Variants in KCNIP4 observed in about 807,000 individuals in gnomAD.
The protein encoded by KCNIP4 is potassium voltage-gated channel interacting protein 4, also known as Kv channel-interacting protein 4.
In KCNIP4, 12 loss-of-function variants were observed where a neutral mutation model predicts 34.0. The ratio of observed to expected loss-of-function variants is 0.35; its 90% CI spans 0.23 to 0.57. KCNIP4 has a LOEUF of 0.57. Among genes scored for constraint, KCNIP4 ranks in the 20% least tolerant of loss-of-function variants. The pLI, the probability that KCNIP4 is intolerant of heterozygous loss-of-function variation, is 0.83. For missense variants in KCNIP4, 238 were observed against 311.7 expected, an observed-to-expected ratio of 0.76 and a Z score of 1.78; for synonymous variants, 124 against 102.2, an observed-to-expected ratio of 1.21 and a Z score of -1.29.
At chr4:21,339,600 A>T (rs917342065) in intron 1 of KCNIP4, among the ~76,000 whole-genome samples, 1 of 152,188 alleles carries the variant, frequency 6.6e-6, no homozygotes, top group Non-Finnish European at 1.5e-5. Flanking sequence ...GAAAGGGAAT[A>T]GGTGGGAAAA....
intron 1 of KCNIP4, among the ~76,000 whole-genome samples, chr4:21,133,865 C>T (rs1032836710): frequency 7.9e-5 from 12 of 152,164 alleles, no homozygotes; most frequent in African/African-American, 1.9e-4. Flanking sequence ...AAAGCCCAGA[C>T]GTTTTGCTTC....
At chr4:21,888,266 T>C (rs1468796990) in intron 1 of KCNIP4, among the ~76,000 whole-genome samples, 1 of 152,032 alleles carries the variant, frequency 6.6e-6, no homozygotes, top group South Asian at 2.1e-4. Context: ...CAGAATAACT[T>C]AAAGAAGAGT....
intron 1 of KCNIP4, among the ~76,000 whole-genome samples, chr4:21,618,545 T>G (rs1182207411): frequency 6.7e-6 from 1 of 149,580 alleles, no homozygotes; most frequent in Non-Finnish European, 1.5e-5. Context: ...CTCTTTCTCC[T>G]TCTCTCTTTT....
intron 1 of KCNIP4, among the ~76,000 whole-genome samples, chr4:21,819,671 A>G (rs1193787362): frequency 6.6e-6 from 1 of 152,218 alleles, no homozygotes; most frequent in Non-Finnish European, 1.5e-5. Context: ...ATTTTTAAAA[A>G]AGGAATTTTA....
At chr4:21,262,813 A>G (rs1311312606) in intron 1 of KCNIP4, among the ~76,000 whole-genome samples, 1 of 152,128 alleles carries the variant, frequency 6.6e-6, no homozygotes, top group African/African-American at 2.4e-5. Flanking sequence ...TTTATCAAAA[A>G]CTGTTGTTAT....
At chr4:20,853,788 A>G (rs903911546) in intron 2 of KCNIP4, among the ~76,000 whole-genome samples, 4 of 152,240 alleles carry the variant, frequency 2.6e-5, no homozygotes, top group Non-Finnish European at 4.4e-5. Context: ...CAACGAACTC[A>G]AATGAGTAAG....
At chr4:20,950,126 T>C (rs1472722007) in intron 1 of KCNIP4, among the ~76,000 whole-genome samples, 1 of 88,134 alleles carries the variant, frequency 1.1e-5, no homozygotes, top group African/African-American at 4.5e-5. Context: ...AAATATTTTT[T>C]AAATTAAAAA....
chr4:20,856,541 A>G (rs1721598534), intron 2 of KCNIP4, among the ~76,000 whole-genome samples: 1 of 152,160 alleles, frequency 6.6e-6, no homozygotes, highest in African/African-American at 2.4e-5. Flanking sequence ...GACAAGATCA[A>G]TATCTTACAT....
intron 1 of KCNIP4, among the ~76,000 whole-genome samples, chr4:21,191,176 T>C (rs1171793004): frequency 6.6e-5 from 10 of 152,212 alleles, no homozygotes; most frequent in East Asian, 3.9e-4. Flanking sequence ...TAGAATTTGA[T>C]AGCATGCACA....
At chr4:20,754,867 T>C (rs3816874) in intron 4 of KCNIP4, among the ~76,000 whole-genome samples, 75,415 of 152,088 alleles carry the variant, frequency 0.5, 19,002 homozygotes, top group Middle Eastern at 0.56. Context: ...TTGAAATGAT[T>C]GAAAAATAAC....
chr4:21,854,651 T>A (rs1488836541), intron 1 of KCNIP4, among the ~76,000 whole-genome samples: 1 of 152,160 alleles, frequency 6.6e-6, no homozygotes, highest in Non-Finnish European at 1.5e-5. Context: ...CTACATTTGC[T>A]CTTTGAGAAA....
At chr4:21,345,359 G>A (rs890245832) in intron 1 of KCNIP4, among the ~76,000 whole-genome samples, 1 of 152,092 alleles carries the variant, frequency 6.6e-6, no homozygotes, top group Non-Finnish European at 1.5e-5. Flanking sequence ...GCAACTTCAT[G>A]GGAGATCCTG....
intron 1 of KCNIP4, among the ~76,000 whole-genome samples, chr4:21,339,577 G>C (rs1311857367): frequency 6.6e-6 from 1 of 152,172 alleles, no homozygotes; most frequent in Non-Finnish European, 1.5e-5. Flanking sequence ...GGGATCTGAA[G>C]TGGGGATAAA....
chr4:20,746,795 T>G (rs1485342860), intron 5 of KCNIP4, among the ~76,000 whole-genome samples: 1 of 152,158 alleles, frequency 6.6e-6, no homozygotes, highest in Admixed American at 6.5e-5. Context: ...CCTCCTATCA[T>G]ATTTCTTCTG....
intron 1 of KCNIP4, among the ~76,000 whole-genome samples, chr4:21,004,364 T>C (rs557116813): frequency 6.6e-6 from 1 of 152,286 alleles, no homozygotes; most frequent in African/African-American, 2.4e-5. Context: ...GGACAACTGA[T>C]GAATGGTGAT....
chr4:21,264,991 C>T (rs545403237), intron 1 of KCNIP4, among the ~76,000 whole-genome samples: 1 of 151,962 alleles, frequency 6.6e-6, no homozygotes, highest in Admixed American at 6.6e-5. Flanking sequence ...CCCGGCAACT[C>T]GGGAGGCTGA....
rs546060785 is a variant in KCNIP4, at chr4:20,939,246, A to G, written c.62-56537T>C. On this transcript the variant is annotated intron_variant, in intron 1 of 8. Transcript: ENST00000382152. The stretch of plus-strand genomic sequence containing the variant: ...CCTGGAGCTATTGCTTCCCAACTCT[A>G]CATTCCTATTTGCTATCTCCTTGCT... 1.4e-4 allele frequency among the ~76,000 whole-genome samples: 22 copies of G among 152,146 alleles called. 1 individual carries two copies. The South Asian group carries it at 4.4e-3, about 30-fold the overall frequency.
chr4:20,758,799 A>G (rs200980103), intron 4 of KCNIP4, 22 bp downstream of exon 4: 2 of 1,586,540 alleles, frequency 1.3e-6, no homozygotes, highest in Non-Finnish European at 1.7e-6. Flanking sequence ...TAGTATGTTA[A>G]CAAGTCCACA....
chr4:21,786,074 G>A (rs35901846), intron 1 of KCNIP4, among the ~76,000 whole-genome samples: 13,830 of 152,198 alleles, frequency 0.091, 651 homozygotes, highest in Middle Eastern at 0.16. Flanking sequence ...TCAGCCACCC[G>A]TGTAGCTGGG....
Sources: gnomAD v4.1 joint callset for allele counts (sites outside exome capture counted in the v4.1 genomes callset) on GRCh38, gnomAD v4.1.1 for gene constraint, MANE v1.5 for transcripts, NCBI Gene and HGNC (gene_info 2026-07-23, HGNC 2026-07-21) for gene names.